STPG4: variants seen among roughly 807,000 people sequenced by gnomAD.
The protein encoded by STPG4 is sperm-tail PG-rich repeat containing 4.
STPG4 carries 41 observed loss-of-function variants against 31.5 expected under a neutral mutation model. That is an observed-to-expected ratio of 1.30 (90% CI 1.01 to 1.69). STPG4 has a LOEUF of 1.69. STPG4 is among the 40% of genes most tolerant of loss of function. STPG4 has a pLI of 0.00. For missense variants in STPG4, 375 were observed against 293.4 expected, an observed-to-expected ratio of 1.28 and a Z score of -2.03; for synonymous variants, 141 against 103.0, an observed-to-expected ratio of 1.37 and a Z score of -2.24.
chr2:47,131,615 G>C (rs747747292), intron 3 of STPG4, among the ~76,000 whole-genome samples: 4 of 152,182 alleles, frequency 2.6e-5, no homozygotes, highest in Non-Finnish European at 4.4e-5. Context: ...AGTGCTAAAA[G>C]ACAGATTGAA....
intron 3 of STPG4, among the ~76,000 whole-genome samples, chr2:47,142,066 T>C (rs561111502): frequency 1.3e-5 from 2 of 151,528 alleles, no homozygotes; most frequent in East Asian, 3.9e-4. Flanking sequence ...CATTTTACCA[T>C]GGAGCATTCT....
chr2:47,151,295 G>T lies in STPG4; in HGVS notation c.362C>A (p.Pro121Gln). 1 of 1,614,148 alleles carries T rather than the reference G, an allele frequency of 6.2e-7. No individual in the cohort carries two copies. The highest frequency in any genetic ancestry group is 8.5e-7 in the Non-Finnish European group (1 of 1,180,036). Residue 121 changes from proline to glutamine, a missense_variant, in exon 3 of 7, where the codon CCA becomes CAA. Coordinates refer to ENST00000445927, the MANE Select transcript of STPG4 (RefSeq NM_001163561.2). ...AACTAGTGTGCTGGGGCTTGGCCGTGGTTTGTCTTTGAATGAGTAAGTAGC... is the reference window on the plus strand; with the variant it reads ...AACTAGTGTGCTGGGGCTTGGCCGTTGTTTGTCTTTGAATGAGTAAGTAGC... ...QVATYSFKDK[P>Q]RPSPSTLVDK...
intron 5 of STPG4, chr2:47,129,575 CG>C: frequency 4.8e-6 from 1 of 209,810 alleles, no homozygotes. Flanking sequence ...ACGGTGTTCC[CG>C]TGCAAAGTCC....
chr2:47,115,771 G>A (rs12476499), intron 5 of STPG4, among the ~76,000 whole-genome samples: 5 of 149,360 alleles, frequency 3.3e-5, no homozygotes, highest in Non-Finnish European at 5.9e-5. Flanking sequence ...TTCTGTCTCA[G>A]CCTTCCTAGT....
chr2:47,111,009 T>A (rs1477330384), intron 5 of STPG4, among the ~76,000 whole-genome samples: 3 of 152,230 alleles, frequency 2.0e-5, no homozygotes, highest in Non-Finnish European at 2.9e-5. Context: ...CTTGATCATA[T>A]CTTTGTATAG....
chr2:47,101,979 G>A lies in STPG4; in HGVS notation c.520-11605C>T, dbSNP rs1022352647. ...CCACTAAATCCGATTTTTCTCGGTC[G>A]GTCCTCCCTGTGGTCTAGGAGGACA... On this transcript the variant is annotated intron_variant, in intron 5 of 6. Coordinates refer to ENST00000445927, the MANE Select transcript of STPG4 (RefSeq NM_001163561.2). Among the ~76,000 whole-genome samples the A allele has an allele frequency of 5.4e-4, 82 of 151,756 alleles. 1 individual carries two copies. Among genetic ancestry groups the A allele is most frequent in the African/African-American group, 1.9e-3 (79 of 41,164 alleles).
chr2:47,106,685 G>A (rs959093999), intron 5 of STPG4, among the ~76,000 whole-genome samples: 6 of 151,814 alleles, frequency 4.0e-5, no homozygotes, highest in South Asian at 2.1e-4. Context: ...ACCGCCCGGC[G>A]TTTACAGGAA....
chr2:47,112,173 T>C (rs1363789753), intron 5 of STPG4, among the ~76,000 whole-genome samples: 1 of 152,210 alleles, frequency 6.6e-6, no homozygotes, highest in Non-Finnish European at 1.5e-5. Context: ...TGTTGTTTTG[T>C]TGTTTGTTTT....
chr2:47,099,517 G>A (rs1016325842), intron 5 of STPG4, among the ~76,000 whole-genome samples: 2 of 152,286 alleles, frequency 1.3e-5, no homozygotes, highest in African/African-American at 4.8e-5. Flanking sequence ...GCATTGAGAA[G>A]AATGGAAATC....
chr2:47,125,068 T>C (rs1446165663), intron 5 of STPG4, among the ~76,000 whole-genome samples: 2 of 152,242 alleles, frequency 1.3e-5, no homozygotes, highest in African/African-American at 4.8e-5. Context: ...TTGTATGTCT[T>C]CTTTTGAGAA....
chr2:47,091,609 T>C (rs1685570539), intron 5 of STPG4, among the ~76,000 whole-genome samples: 1 of 152,182 alleles, frequency 6.6e-6, no homozygotes, highest in South Asian at 2.1e-4. Flanking sequence ...TTCTAAATAA[T>C]GCAGGAGTTA....
chr2:47,098,549 C>T (rs1243264791), intron 5 of STPG4, among the ~76,000 whole-genome samples: 1 of 152,090 alleles, frequency 6.6e-6, no homozygotes, highest in African/African-American at 2.4e-5. Flanking sequence ...AGAAAGAGCA[C>T]ACAATCCACT....
At chr2:47,098,350 G>GT (rs1468720604) in intron 5 of STPG4, among the ~76,000 whole-genome samples, 1 of 152,270 alleles carries the variant, frequency 6.6e-6, no homozygotes, top group East Asian at 1.9e-4. Context: ...TGCCAGCCTG[G>GT]TGCAGGAGGT....
intron 5 of STPG4, among the ~76,000 whole-genome samples, chr2:47,113,718 T>C (rs2103757968): frequency 6.6e-6 from 1 of 152,272 alleles, no homozygotes; most frequent in East Asian, 1.9e-4. Flanking sequence ...TAAATCCCAT[T>C]TGTGACAATC....
At chr2:47,153,971 AT>A (rs1043633471) in intron 1 of STPG4, among the ~76,000 whole-genome samples, 1 of 152,134 alleles carries the variant, frequency 6.6e-6, no homozygotes, top group African/African-American at 2.4e-5. Flanking sequence ...ATTATTTCAT[AT>A]TTATTTCAGC....
At chr2:47,136,992 C>G (rs1686610253) in intron 3 of STPG4, among the ~76,000 whole-genome samples, 1 of 152,034 alleles carries the variant, frequency 6.6e-6, no homozygotes, top group East Asian at 1.9e-4. Flanking sequence ...CTTTTGTTGT[C>G]TTGTTCCATT....
At chr2:47,137,573 A>G (rs927056917) in intron 3 of STPG4, among the ~76,000 whole-genome samples, 1 of 152,184 alleles carries the variant, frequency 6.6e-6, no homozygotes, top group Non-Finnish European at 1.5e-5. Flanking sequence ...CCTTCCTTAA[A>G]TATTTGATAG....
In STPG4 at chr2:47,136,822, G is replaced by A. The variant is rs115896778; in HGVS notation, c.400-6562C>T. 5.9e-3 allele frequency among the ~76,000 whole-genome samples: 895 copies of A among 152,128 alleles called. 14 individuals are homozygous for A. The highest frequency in any genetic ancestry group is 0.021 in the African/African-American group (852 of 41,510). On this transcript the variant is annotated intron_variant, in intron 3 of 6. Transcript: ENST00000445927. ...TATACCAGTATATAGAAAAGTAATCGACTTTTGTATATTAACCTTTATCCT... is the reference window on the plus strand; with the variant it reads ...TATACCAGTATATAGAAAAGTAATCAACTTTTGTATATTAACCTTTATCCT...
At chr2:47,097,224 A>G (rs948124426) in intron 5 of STPG4, among the ~76,000 whole-genome samples, 1 of 152,208 alleles carries the variant, frequency 6.6e-6, no homozygotes, top group Non-Finnish European at 1.5e-5. Flanking sequence ...TAAACCATAG[A>G]GCAAATCCTT....
Sources: allele counts gnomAD v4.1 joint callset (sites outside exome capture counted in the v4.1 genomes callset), GRCh38; gene constraint gnomAD v4.1.1; transcripts MANE v1.5; gene names NCBI Gene and HGNC (gene_info 2026-07-23, HGNC 2026-07-21).